DOP1A: variants seen among roughly 807,000 people sequenced by gnomAD.
DOP1A encodes the protein protein DOP1A.
In DOP1A, 90 loss-of-function variants were observed where a neutral mutation model predicts 267.6. The observed-to-expected ratio is 0.34, with a 90% CI of 0.28 to 0.40. DOP1A has a LOEUF of 0.40. Among genes scored for constraint, DOP1A ranks in the 10% least tolerant of loss-of-function variants. DOP1A has a pLI of 1.00. For synonymous variants in DOP1A, 932 were observed against 999.1 expected, an observed-to-expected ratio of 0.93 and a Z score of 1.27; for missense variants, 2,437 against 2,900.4, an observed-to-expected ratio of 0.84 and a Z score of 3.67.
intron 4 of DOP1A, among the ~76,000 whole-genome samples, chr6:83,101,839 G>A (rs1772642694): frequency 6.6e-6 from 1 of 152,134 alleles, no homozygotes; most frequent in Non-Finnish European, 1.5e-5. Flanking sequence ...AATTAACATA[G>A]CCATCATCTT....
downstream of DOP1A, chr6:83,170,616 T>C: frequency 1.4e-6 from 1 of 696,996 alleles, no homozygotes; most frequent in Non-Finnish European, 2.4e-6. Context: ...GTCAGGGTAA[T>C]TAATTTCAAC....
downstream of DOP1A, chr6:83,168,953 C>A (rs1786468887): frequency 2.6e-6 from 3 of 1,148,454 alleles, no homozygotes; most frequent in Non-Finnish European, 3.2e-6. Context: ...TGAATTGTTC[C>A]CCACATAAAA....
intron 12 of DOP1A, among the ~76,000 whole-genome samples, 162 bp downstream of exon 12, chr6:83,123,144 A>G (rs1776617034): frequency 6.6e-6 from 1 of 152,056 alleles, no homozygotes; most frequent in South Asian, 2.1e-4. Context: ...CACATAGGAT[A>G]TAAAATCATT....
chr6:83,152,302 G>T lies in DOP1A; in HGVS notation c.6064G>T (p.Ala2022Ser). ...CTTATTTATAGATATGTTATCACCTGCAATGGAAACCGCAAACATAACTCC... is the reference window on the plus strand; with the variant it reads ...CTTATTTATAGATATGTTATCACCTTCAATGGAAACCGCAAACATAACTCC... ...ESDVEDMLSP[A>S]METANITPSV... The change falls in exon 30 of 39, where the codon GCA becomes TCA. Residue 2022 changes from alanine (A) to serine (S), a missense_variant. Physicochemically the swap from Ala to Ser is moderately conservative, Grantham distance 99 (BLOSUM62 1). This residue lies in a region of DOP1A where 216 missense variants were observed against 283.3 expected (regional missense o/e 0.76). Coordinates refer to ENST00000349129, the MANE Select transcript of DOP1A (RefSeq NM_015018.4). 6.4e-7 allele frequency: 1 copy of T among 1,567,376 alleles called. No individual in the cohort carries two copies. The highest frequency in any genetic ancestry group is 8.6e-7 in the Non-Finnish European group (1 of 1,157,212).
intron 4 of DOP1A, among the ~76,000 whole-genome samples, chr6:83,103,903 A>G (rs1056976127): frequency 2.0e-5 from 3 of 152,182 alleles, no homozygotes; most frequent in Non-Finnish European, 2.9e-5. Flanking sequence ...CCTTCTAGTG[A>G]AAACCCCTAC....
chr6:83,108,265 T>TAC (rs1773984126), intron 4 of DOP1A, among the ~76,000 whole-genome samples: 1 of 152,128 alleles, frequency 6.6e-6, no homozygotes, highest in Non-Finnish European at 1.5e-5. Flanking sequence ...TTGCAGCCTC[T>TAC]ACCTCCCAGG....
intron 38 of DOP1A, 89 bp from the exon 39 acceptor site, chr6:83,167,773 C>A: frequency 6.9e-7 from 1 of 1,456,186 alleles, no homozygotes; most frequent in Non-Finnish European, 9.1e-7. Context: ...CATTTCTTGA[C>A]CAATTGCCAA....
Position 83,125,659 on chromosome 6 carries a change from T to C in DOP1A, c.1645T>C (p.Ser549Pro), listed in dbSNP as rs370832302. 1.4e-5 allele frequency: 22 copies of C among 1,613,670 alleles called. 1 individual carries two copies. The highest frequency in any genetic ancestry group is 1.6e-4 in the Middle Eastern group (1 of 6,082). ...ILSKVQPPLLSASTGGVLQFP... is the reference protein window; with the variant it reads ...ILSKVQPPLLPASTGGVLQFP... Reference sequence around the variant, plus strand: ...TAGCAAGGTTCAGCCTCCACTGTTATCTGCTAGCACTGGAGGTGTTTTGCA... The same window carrying C: ...TAGCAAGGTTCAGCCTCCACTGTTACCTGCTAGCACTGGAGGTGTTTTGCA... The change falls in exon 15 of 39, where the codon TCT becomes CCT. Residue 549 changes from serine to proline, a missense_variant. Transcript: ENST00000349129.
Position 83,155,936 on chromosome 6 carries a change from C to G in DOP1A, c.6452-15C>G, listed in dbSNP as rs771415000. 1.9e-6 allele frequency: 3 copies of G among 1,603,606 alleles called. No homozygotes were observed. The highest frequency in any genetic ancestry group is 4.5e-5 in the East Asian group (2 of 44,770). On this transcript the variant is annotated splice_polypyrimidine_tract_variant and intron_variant, in intron 33 of 38. Transcript: ENST00000349129. ...CAGATGACAGTGTCACAGTCTCTTTCACTTGCTTTTTCAGCTCGTGTAGCA... is the reference window on the plus strand; with the variant it reads ...CAGATGACAGTGTCACAGTCTCTTTGACTTGCTTTTTCAGCTCGTGTAGCA...
At chr6:83,108,642 G>T (rs533398106) in intron 4 of DOP1A, among the ~76,000 whole-genome samples, 12 of 152,310 alleles carry the variant, frequency 7.9e-5, no homozygotes, top group African/African-American at 2.4e-4. Flanking sequence ...TTTTGCTGGG[G>T]CACATTGGGG....
intron 1 of DOP1A, among the ~76,000 whole-genome samples, chr6:83,090,723 C>T (rs570690233): frequency 1.3e-5 from 2 of 152,228 alleles, no homozygotes; most frequent in South Asian, 4.1e-4. Context: ...TGATCTTTCA[C>T]TACAGATAGT....
chr6:83,073,060 C>A, intron 1 of DOP1A: 1 of 246,498 alleles, frequency 4.1e-6, no homozygotes, highest in Admixed American at 5.1e-5. Context: ...AGCATTACCA[C>A]CAAGTAGCAG....
Position 83,167,907 on chromosome 6 carries a change from C to T in DOP1A, c.7138C>T (p.Pro2380Ser), listed in dbSNP as rs771345848. The part of the protein sequence containing the change: ...DNSGRTLGWE[P>S]GHLLLTICTV... ...CTCAGGGAGAACATTGGGTTGGGAG[C>T]CAGGGCACTTGCTGCTCACCATCTG... is the stretch of plus-strand genomic sequence containing the variant. Residue 2380 changes from proline (P) to serine (S), a missense_variant, in exon 39 of 39, where the codon CCA (proline) becomes TCA (serine). By Grantham distance (74) the Pro-to-Ser change is moderately conservative (BLOSUM62 -1). Transcript: ENST00000349129. 6.2e-7 allele frequency: 1 copy of T among 1,613,502 alleles called. No homozygotes were observed. The highest frequency in any genetic ancestry group is 2.2e-5 in the East Asian group (1 of 44,872).
At chr6:83,146,970 G>GATC (rs1780733510) in intron 25 of DOP1A, among the ~76,000 whole-genome samples, 1 of 152,122 alleles carries the variant, frequency 6.6e-6, no homozygotes, top group Non-Finnish European at 1.5e-5. Context: ...GTGAGTGGTG[G>GATC]ACTATCAACT....
Position 83,112,819 on chromosome 6 carries a change from T to G in DOP1A, c.682-504T>G, listed in dbSNP as rs1357831071. ...ACCCCAAGACCTGGCAATTCTATTT[T>G]GAGGAATTTATCTTACAGATGTAAT... On this transcript the variant is annotated intron_variant, in intron 6 of 38. Coordinates refer to ENST00000349129, the MANE Select transcript of DOP1A (RefSeq NM_015018.4). Among the ~76,000 whole-genome samples, 4 of 152,182 alleles carry G rather than the reference T, an allele frequency of 2.6e-5. No homozygotes were observed. In the East Asian group the frequency reaches 7.7e-4, roughly 29 times the overall value.
downstream of DOP1A, chr6:83,169,027 T>G (rs1403419022): frequency 3.7e-6 from 5 of 1,360,622 alleles, 1 homozygote; most frequent in South Asian, 1.8e-5. Flanking sequence ...GAGACTGAAA[T>G]TAGAGGTAAA....
chr6:83,075,633 G>A (rs1045622308), intron 1 of DOP1A, among the ~76,000 whole-genome samples: 8 of 152,144 alleles, frequency 5.3e-5, no homozygotes, highest in African/African-American at 1.7e-4. Flanking sequence ...GTATGGTACT[G>A]GCCAAAACAG....
Position 83,119,877 on chromosome 6 carries a change from T to A in DOP1A, c.990+20T>A, listed in dbSNP as rs1776076006. ...GTCCAGGTAATGAATACTTTTATTA[T>A]TCTTTGGTTACTTACTGACCACTAG... On this transcript the variant is annotated intron_variant, in intron 9 of 38. Transcript: ENST00000349129. 1.9e-6 allele frequency: 3 copies of A among 1,586,364 alleles called. No homozygotes were observed. Among genetic ancestry groups the A allele is most frequent in the Non-Finnish European group, 2.6e-6 (3 of 1,156,316 alleles).
chr6:83,163,854 A>G (rs1345800103), intron 38 of DOP1A, among the ~76,000 whole-genome samples: 2 of 151,998 alleles, frequency 1.3e-5, no homozygotes, highest in Non-Finnish European at 1.5e-5. Flanking sequence ...TTTACTTAAA[A>G]CATATACCAT....
Sources: allele counts gnomAD v4.1 joint callset (sites outside exome capture counted in the v4.1 genomes callset), GRCh38; gene constraint gnomAD v4.1.1; regional missense constraint gnomAD v4.1.1; transcripts MANE v1.5; gene names NCBI Gene and HGNC (gene_info 2026-07-23, HGNC 2026-07-21).